The following PTPDC1 variants were observed in gnomAD, a reference collection of about 807,000 sequenced individuals.
The protein encoded by PTPDC1 is protein tyrosine phosphatase domain containing 1, also known as protein tyrosine phosphatase domain-containing protein 1.
A neutral mutation model predicts 75.3 loss-of-function variants in PTPDC1; 53 were observed. The observed-to-expected ratio is 0.70, with a 90% CI of 0.56 to 0.88. The LOEUF is 0.88. Among genes scored for constraint, PTPDC1 ranks in the 40% least tolerant of loss-of-function variants. The pLI is 0.00. For synonymous variants in PTPDC1, 349 were observed against 366.2 expected, an observed-to-expected ratio of 0.95 and a Z score of 0.54; for missense variants, 925 against 998.6, an observed-to-expected ratio of 0.93 and a Z score of 0.99.
chr9:94,071,152 T>TTTC (rs1487830192), intron 2 of PTPDC1, among the ~76,000 whole-genome samples: 2 of 152,216 alleles, frequency 1.3e-5, no homozygotes, highest in African/African-American at 4.8e-5. Context: ...AGTGATCAAG[T>TTTC]TTCTCTACAT....
At position 94,107,831 on chromosome 9, in the gene PTPDC1, A is replaced by T; in HGVS notation, c.2314A>T (p.Asn772Tyr). Residue 772 changes from asparagine (N) to tyrosine (Y), a missense_variant, in exon 9 of 9, where the codon AAT becomes TAT. Physicochemically the swap from Asn to Tyr is moderately radical, Grantham distance 143 (BLOSUM62 -2). Transcript: ENST00000620992. ...ATATAAATTTCTTTGTCACCAGGTT[A>T]ATTTTGATTCTGAAAATGGACCAAC... ...AHAIKAFTKVNFDSENGPTVY... is the reference protein window; with the variant it reads ...AHAIKAFTKVYFDSENGPTVY... 6.3e-7 allele frequency: 1 copy of T among 1,575,528 alleles called. No individual in the cohort carries two copies. Among genetic ancestry groups the T allele is most frequent in the Non-Finnish European group, 8.7e-7 (1 of 1,155,344 alleles).
chr9:94,040,593 A>G (rs1162843641), intron 1 of PTPDC1, among the ~76,000 whole-genome samples: 1 of 152,182 alleles, frequency 6.6e-6, no homozygotes, highest in Non-Finnish European at 1.5e-5. Context: ...ACAAAATAAT[A>G]ATAATAGAAT....
intron 1 of PTPDC1, among the ~76,000 whole-genome samples, chr9:94,060,697 G>A (rs774748586): frequency 6.6e-6 from 1 of 152,096 alleles, no homozygotes; most frequent in Non-Finnish European, 1.5e-5. Context: ...AGGAAGGCAG[G>A]GGGAGGTGCT....
intron 1 of PTPDC1, among the ~76,000 whole-genome samples, chr9:94,053,313 GT>G (rs1017691604): frequency 2.9e-4 from 43 of 147,028 alleles, no homozygotes; most frequent in African/African-American, 7.0e-4. Context: ...AAAGAAAAGG[GT>G]TTTTTTTTTA....
chr9:94,063,304 A>C (rs1826200274), intron 1 of PTPDC1, among the ~76,000 whole-genome samples: 1 of 152,236 alleles, frequency 6.6e-6, no homozygotes, highest in Admixed American at 6.5e-5. Flanking sequence ...AAATAGTCCA[A>C]ATTTTAAAAT....
chr9:94,031,771 C>T (rs1240034813), intron 1 of PTPDC1, among the ~76,000 whole-genome samples: 1 of 151,990 alleles, frequency 6.6e-6, no homozygotes, highest in Non-Finnish European at 1.5e-5. Flanking sequence ...ATGTCTAAAA[C>T]GTCTCCTGGG....
At chr9:94,084,386 G>A, upstream of PTPDC1, 2 of 1,346,028 alleles carry the variant, frequency 1.5e-6, no homozygotes, top group South Asian at 3.1e-5. Flanking sequence ...TAGTTTCTTT[G>A]TTTGTCGCCA....
chr9:94,058,839 A>C (rs1010926721), intron 1 of PTPDC1, among the ~76,000 whole-genome samples: 1 of 152,018 alleles, frequency 6.6e-6, no homozygotes, highest in Non-Finnish European at 1.5e-5. Flanking sequence ...AATACAAAAA[A>C]AATTAGCTGG....
intron 4 of PTPDC1, 129 bp downstream of exon 4, chr9:94,088,392 A>T: frequency 9.2e-7 from 1 of 1,090,768 alleles, no homozygotes; most frequent in East Asian, 2.5e-5. Flanking sequence ...GTTTAGAAAA[A>T]ATGAGCTACC....
chr9:94,060,996 A>C (rs1826111328), intron 1 of PTPDC1, among the ~76,000 whole-genome samples: 1 of 152,164 alleles, frequency 6.6e-6, no homozygotes, highest in Admixed American at 6.5e-5. Flanking sequence ...TACTCATTCC[A>C]GCACTAACTC....
At chr9:94,045,074 A>G (rs1825550691) in intron 1 of PTPDC1, among the ~76,000 whole-genome samples, 1 of 130,862 alleles carries the variant, frequency 7.6e-6, no homozygotes, top group Admixed American at 9.1e-5. Flanking sequence ...ATTCCCACCT[A>G]TGAGTGAGAA....
intron 1 of PTPDC1, among the ~76,000 whole-genome samples, chr9:94,054,554 G>T (rs536749962): frequency 1.3e-5 from 2 of 152,134 alleles, no homozygotes; most frequent in Non-Finnish European, 2.9e-5. Flanking sequence ...AATGTGTAAA[G>T]GGGCCACGTT....
intron 6 of PTPDC1, chr9:94,100,491 C>G (rs1827799382): frequency 6.6e-6 from 1 of 152,138 alleles, no homozygotes; most frequent in Non-Finnish European, 1.5e-5. Flanking sequence ...AAGCCCAGTA[C>G]CAGAGGGCCC....
chr9:94,057,369 C>A (rs1825975811), intron 1 of PTPDC1, among the ~76,000 whole-genome samples: 1 of 152,104 alleles, frequency 6.6e-6, no homozygotes, highest in African/African-American at 2.4e-5. Flanking sequence ...CAGGTATGAA[C>A]CACTGCATGC....
chr9:94,101,809 AG>A (rs1336374493), intron 7 of PTPDC1, 58 bp downstream of exon 7: 1 of 934,618 alleles, frequency 1.1e-6, no homozygotes, highest in Non-Finnish European at 1.5e-6. Flanking sequence ...TTTTTCACGC[AG>A]AAAAAAAAAA....
intron 1 of PTPDC1, among the ~76,000 whole-genome samples, chr9:94,035,677 T>C (rs370914782): frequency 1.3e-5 from 2 of 152,220 alleles, no homozygotes; most frequent in East Asian, 1.9e-4. Context: ...ATTTCAAATC[T>C]TTTGGGTAAA....
intron 5 of PTPDC1, among the ~76,000 whole-genome samples, chr9:94,096,423 G>A (rs907692940): frequency 2.0e-5 from 3 of 152,204 alleles, no homozygotes; most frequent in Non-Finnish European, 4.4e-5. Context: ...GTGAACTGGA[G>A]AGCATGCAGT....
chr9:94,096,332 T>G (rs1194407157), intron 5 of PTPDC1, among the ~76,000 whole-genome samples: 1 of 152,144 alleles, frequency 6.6e-6, no homozygotes, highest in African/African-American at 2.4e-5. Flanking sequence ...TTCTAGACAT[T>G]GACATGATAG....
At chr9:94,103,678 G>A (rs867210800) in intron 7 of PTPDC1, among the ~76,000 whole-genome samples, 1 of 152,174 alleles carries the variant, frequency 6.6e-6, no homozygotes, top group Non-Finnish European at 1.5e-5. Context: ...TATTGCTGAA[G>A]GTGATGGAAT....
Sources: gnomAD v4.1 joint callset for allele counts (sites outside exome capture counted in the v4.1 genomes callset) on GRCh38, gnomAD v4.1.1 for gene constraint, MANE v1.5 for transcripts, NCBI Gene and HGNC (gene_info 2026-07-23, HGNC 2026-07-21) for gene names.